Variants in SLC4A5 observed in about 807,000 individuals in gnomAD.
The protein encoded by SLC4A5 is electrogenic sodium bicarbonate cotransporter 4.
A neutral mutation model predicts 120.4 loss-of-function variants in SLC4A5; 96 were observed. The observed-to-expected ratio is 0.80, with a 90% CI of 0.68 to 0.94. The LOEUF is 0.94. SLC4A5 is among the 40% of genes least tolerant of loss of function. SLC4A5 has a pLI of 0.00. For missense variants in SLC4A5, 1,259 were observed against 1,459.5 expected (o/e 0.86, Z 2.24); for synonymous variants, 550 against 571.1 (o/e 0.96, Z 0.53).
chr2:74,259,530 C>T, intron 12 of SLC4A5, 58 bp downstream of exon 12: 1 of 1,580,960 alleles, frequency 6.3e-7, no homozygotes, highest in Non-Finnish European at 8.7e-7. Context: ...GCTCCTGAAA[C>T]CAAAGACTTT....
intron 4 of SLC4A5, among the ~76,000 whole-genome samples, chr2:74,328,939 C>T (rs1043099929): frequency 2.0e-4 from 31 of 152,248 alleles, no homozygotes; most frequent in African/African-American, 7.0e-4. Flanking sequence ...GTGACCTTTT[C>T]GGAGAGATCA....
chr2:74,261,890 G>A (rs1671147633), intron 11 of SLC4A5, among the ~76,000 whole-genome samples: 2 of 152,180 alleles, frequency 1.3e-5, no homozygotes, highest in South Asian at 4.1e-4. Flanking sequence ...TATGGGAGTG[G>A]GTATTGATTA....
chr2:74,304,984 G>A (rs963356444), intron 6 of SLC4A5, among the ~76,000 whole-genome samples: 1 of 152,200 alleles, frequency 6.6e-6, no homozygotes, highest in Non-Finnish European at 1.5e-5. Flanking sequence ...ATGACACGTG[G>A]TTAAGGGGAA....
At chr2:74,335,933 T>C (rs1238203782) in intron 3 of SLC4A5, among the ~76,000 whole-genome samples, 1 of 152,222 alleles carries the variant, frequency 6.6e-6, no homozygotes, top group Non-Finnish European at 1.5e-5. Context: ...TGAATGAAAA[T>C]GACCAAAAAA....
chr2:74,248,307 C>A, intron 18 of SLC4A5, 46 bp downstream of exon 18: 1 of 1,606,538 alleles, frequency 6.2e-7, no homozygotes, highest in South Asian at 1.1e-5. Context: ...CAGCATACTG[C>A]CCCAAATGCG....
At chr2:74,222,920 A>C in exon 29 of SLC4A5, 1 of 1,613,394 alleles carries the variant, frequency 6.2e-7, no homozygotes, top group Non-Finnish European at 8.5e-7. Flanking sequence ...TTTCCATGGG[A>C]ATCTTTATAA....
chr2:74,255,456 C>T lies in SLC4A5; in HGVS notation c.1025+319G>A, dbSNP rs1346100142. 6.6e-6 allele frequency among the ~76,000 whole-genome samples: 1 copy of T among 152,086 alleles called. No homozygotes were observed. The highest frequency in any genetic ancestry group is 1.9e-4 in the East Asian group (1 of 5,174). Reference sequence around the variant, plus strand: ...TACAGGCGCGTACCACCACACCTGGCTAATTTTTTTGTATTTTTAGTAGAG... The same window carrying T: ...TACAGGCGCGTACCACCACACCTGGTTAATTTTTTTGTATTTTTAGTAGAG... On this transcript the variant is annotated intron_variant, in intron 13 of 30. Transcript: ENST00000394019. The surrounding 1 kb of genome is among the most constrained non-coding windows in gnomAD (Gnocchi z 4.0).
chr2:74,260,114 A>G (rs1030576105), intron 11 of SLC4A5, among the ~76,000 whole-genome samples: 1 of 152,108 alleles, frequency 6.6e-6, no homozygotes, highest in South Asian at 2.1e-4. Context: ...TGGCAGAGGG[A>G]AGGAAGGTGG....
chr2:74,221,434 C>T lies in SLC4A5; in HGVS notation c.*33G>A, dbSNP rs765970219. On this transcript the variant is annotated splice_region_variant and 3_prime_UTR_variant, in exon 30 of 31. Transcript: ENST00000394019. The stretch of plus-strand genomic sequence containing the variant: ...AAGGAGTCTACCTAACAGTGTTTAC[C>T]TTCGGTCAAGTTCTGTGTCACTGAA... 4 of 1,610,566 alleles carry T rather than the reference C, an allele frequency of 2.5e-6. No individual in the cohort carries two copies. In the South Asian group the frequency reaches 4.4e-5, roughly 18 times the overall value.
rs183523558 is a variant in SLC4A5, at chr2:74,311,538, T to G, written c.79+3407A>C. On this transcript the variant is annotated intron_variant, in intron 6 of 30. Coordinates refer to ENST00000394019, the Ensembl canonical transcript of SLC4A5. ...GTCCAAAATATTTTTAAAATTTTCT[T>G]AAGACTTCTTCTTTGACTACTCATA... 2.0e-4 allele frequency among the ~76,000 whole-genome samples: 31 copies of G among 152,376 alleles called. No homozygotes were observed. In the East Asian group the frequency reaches 6.0e-3, roughly 29 times the overall value.
chr2:74,269,799 C>T (rs1671417407), intron 8 of SLC4A5, among the ~76,000 whole-genome samples: 1 of 152,268 alleles, frequency 6.6e-6, no homozygotes, highest in Admixed American at 6.5e-5. Flanking sequence ...TCTCAGGCAG[C>T]TCTCTCCCCT....
At chr2:74,276,837 T>C (rs1021502128) in intron 8 of SLC4A5, among the ~76,000 whole-genome samples, 1 of 151,912 alleles carries the variant, frequency 6.6e-6, no homozygotes, top group Non-Finnish European at 1.5e-5. Context: ...CATGAAGAAT[T>C]TGGAATCGCT....
intron 8 of SLC4A5, among the ~76,000 whole-genome samples, chr2:74,267,605 T>C (rs951725007): frequency 1.3e-5 from 2 of 152,230 alleles, no homozygotes; most frequent in Non-Finnish European, 2.9e-5. Context: ...CCATGTCAAA[T>C]GGTTAACAAT....
intron 3 of SLC4A5, among the ~76,000 whole-genome samples, chr2:74,336,661 C>T (rs939345466): frequency 1.4e-4 from 22 of 152,196 alleles, no homozygotes; most frequent in African/African-American, 4.6e-4. Flanking sequence ...GTTCACACAG[C>T]TGATAACTGG....
intron 12 of SLC4A5, among the ~76,000 whole-genome samples, 165 bp downstream of exon 12, chr2:74,259,423 T>A (rs1006501): frequency 0.083 from 12,694 of 152,232 alleles, 1,136 homozygotes; most frequent in East Asian, 0.39. Flanking sequence ...CTACTGGCCT[T>A]GGCAAAGTCC....
intron 12 of SLC4A5, among the ~76,000 whole-genome samples, chr2:74,259,203 T>C (rs1177281803): frequency 6.6e-6 from 1 of 152,156 alleles, no homozygotes; most frequent in Non-Finnish European, 1.5e-5. Flanking sequence ...CACAGGGAGA[T>C]TCTTTTCTGT....
At chr2:74,312,034 C>T (rs1166605772) in intron 6 of SLC4A5, among the ~76,000 whole-genome samples, 1 of 152,030 alleles carries the variant, frequency 6.6e-6, no homozygotes, top group African/African-American at 2.4e-5. Flanking sequence ...GAAGAATTGA[C>T]CCTTTTATCA....
chr2:74,321,702 A>C (rs931235576), intron 5 of SLC4A5, among the ~76,000 whole-genome samples: 7 of 151,560 alleles, frequency 4.6e-5, no homozygotes, highest in African/African-American at 1.7e-4. Flanking sequence ...TGTCTCCTAC[A>C]CTGTCCAACA....
At chr2:74,282,857 G>T (rs186209207) in intron 8 of SLC4A5, among the ~76,000 whole-genome samples, 90 of 152,306 alleles carry the variant, frequency 5.9e-4, no homozygotes, top group African/African-American at 2.1e-3. Context: ...CTCTGAGAAG[G>T]CCCTGCCCAG....
Sources: gnomAD v4.1 joint callset for allele counts (sites outside exome capture counted in the v4.1 genomes callset) on GRCh38, gnomAD v4.1.1 for gene constraint, Gnocchi (gnomAD v3.1) non-coding constraint, MANE v1.5 for transcripts, NCBI Gene and HGNC (gene_info 2026-07-23, HGNC 2026-07-21) for gene names.